Variants in TYRO3 observed in about 807,000 individuals in gnomAD.
The protein encoded by TYRO3 is TYRO3 protein tyrosine kinase.
Under a neutral mutation model 95.2 loss-of-function variants are expected in TYRO3, and 38 were observed. The ratio of observed to expected loss-of-function variants is 0.40; its 90% CI spans 0.31 to 0.52. The LOEUF (loss-of-function observed/expected upper bound fraction) is 0.52. TYRO3 is among the 20% of genes least tolerant of loss of function. The pLI is 0.56. For synonymous variants in TYRO3, 367 were observed against 432.9 expected (o/e 0.85, Z 1.89); for missense variants, 812 against 1,116.4 (o/e 0.73, Z 3.89).
rs1356817343 is a variant in TYRO3, at chr15:41,561,244, C to T, written c.242C>T (p.Ala81Val). 1 of 1,614,220 alleles carries T rather than the reference C, an allele frequency of 6.2e-7. No homozygotes were observed. Among genetic ancestry groups the T allele is most frequent in the South Asian group, 1.1e-5 (1 of 91,082 alleles). Residue 81 changes from alanine (A) to valine (V), a missense_variant, in exon 2 of 19, where the codon GCT becomes GTT. Physicochemically the swap from Ala to Val is moderately conservative, Grantham distance 64. Transcript: ENST00000263798. ...GACATCCAGTGGGTGAAGGATGGGGCTGTGGTCCAGAACTTGGACCAGTTG... is the reference window on the plus strand; with the variant it reads ...GACATCCAGTGGGTGAAGGATGGGGTTGTGGTCCAGAACTTGGACCAGTTG... ...EPDIQWVKDG[A>V]VVQNLDQLYI...
Position 41,571,298 on chromosome 15 carries a change from C to T in TYRO3, c.1660+180C>T, listed in dbSNP as rs190353949. On this transcript the variant is annotated intron_variant, in intron 13 of 18. Transcript: ENST00000263798. ...ATAAACCCAAACATACATATTCATGCCCAGCCATTGCTCTCTGCCATCGGC... is the reference window on the plus strand; with the variant it reads ...ATAAACCCAAACATACATATTCATGTCCAGCCATTGCTCTCTGCCATCGGC... Among the ~76,000 whole-genome samples the T allele has an allele frequency of 3.1e-3, 465 of 152,338 alleles. 5 individuals carry two copies. Among genetic ancestry groups the T allele is most frequent in the Non-Finnish European group, 3.8e-3 (256 of 68,028 alleles).
At position 41,577,937 on chromosome 15, in the gene TYRO3, C is replaced by T; in HGVS notation, c.2334C>T (p.Ser778=). The change falls in exon 19 of 19, where the codon AGC becomes AGT. Residue 778 remains serine (S), a synonymous_variant. Coordinates refer to ENST00000263798, the MANE Select transcript of TYRO3 (RefSeq NM_006293.4). ...GTGCTGACCCCAAGCAGCGCCCGAG[C>T]TTTACTTGTCTGCGAATGGAACTGG... ...CWSADPKQRP[S]FTCLRMELEN... is the part of the protein sequence containing the mutation. 2 of 1,613,400 alleles carry T rather than the reference C, an allele frequency of 1.2e-6. No individual in the cohort carries two copies. The highest frequency in any genetic ancestry group is 1.7e-6 in the Non-Finnish European group (2 of 1,180,044).
chr15:41,568,780 C>A, intron 8 of TYRO3, 98 bp from the exon 9 acceptor site: 1 of 1,435,976 alleles, frequency 7.0e-7, no homozygotes, highest in Non-Finnish European at 9.4e-7. Context: ...TGCCCCTATA[C>A]TCCCATGTTC....
At chr15:41,559,884 T>G (rs1321848074) in intron 1 of TYRO3, among the ~76,000 whole-genome samples, 1 of 152,190 alleles carries the variant, frequency 6.6e-6, no homozygotes, top group East Asian at 1.9e-4. Context: ...CCTCAGAGCT[T>G]CCTGAAAGCA....
intron 6 of TYRO3, among the ~76,000 whole-genome samples, chr15:41,565,563 C>G (rs1456704827): frequency 6.6e-6 from 1 of 150,398 alleles, no homozygotes; most frequent in African/African-American, 2.5e-5. Context: ...TACAGTCATG[C>G]ACCACCACGC....
At position 41,561,570 on chromosome 15, in the gene TYRO3, C is replaced by A; in HGVS notation, c.340C>A (p.Arg114=). ...LKSVERSDAG[R]YWCQVEDGGE... is the part of the protein sequence containing the mutation. ...GTCAGTGGAGCGCTCTGACGCCGGC[C>A]GGTACTGGTGCCAGGTGGAGGATGG... The change falls in exon 3 of 19, where the codon CGG becomes AGG. Residue 114 remains arginine, a synonymous_variant. Coordinates refer to ENST00000263798, the MANE Select transcript of TYRO3 (RefSeq NM_006293.4). 1.9e-6 allele frequency: 3 copies of A among 1,593,890 alleles called. No homozygotes were observed. The highest frequency in any genetic ancestry group is 2.3e-5 in the East Asian group (1 of 43,508).
chr15:41,571,360 A>C (rs1307820335), intron 13 of TYRO3, among the ~76,000 whole-genome samples: 1 of 152,202 alleles, frequency 6.6e-6, no homozygotes, highest in Non-Finnish European at 1.5e-5. Context: ...GGGTGATTAC[A>C]GCTGTGGTTG....
At chr15:41,573,571 C>T in intron 17 of TYRO3, 104 bp downstream of exon 17, 1 of 1,430,960 alleles carries the variant, frequency 7.0e-7, no homozygotes, top group Non-Finnish European at 9.5e-7. Flanking sequence ...TTGGTTGCCC[C>T]CTGATGAGGC....
chr15:41,568,301 C>T lies in TYRO3; in HGVS notation c.1046C>T (p.Ala349Val). 1 of 1,614,012 alleles carries T rather than the reference C, an allele frequency of 6.2e-7. No individual in the cohort carries two copies. The highest frequency in any genetic ancestry group is 8.5e-7 in the Non-Finnish European group (1 of 1,179,982). The stretch of plus-strand genomic sequence containing the variant: ...GAGTGGGAAGAAGTGATCCCCGAGG[C>T]CCCTTTGGAAGGCCCCCTGGGACCC... ...ILEWEEVIPE[A>V]PLEGPLGPYK... The change falls in exon 8 of 19, where the codon GCC (alanine) becomes GTC (valine). Residue 349 changes from alanine (A) to valine (V), a missense_variant. Physicochemically the swap from Ala to Val is moderately conservative, Grantham distance 64 (BLOSUM62 0). Transcript: ENST00000263798.
intron 18 of TYRO3, among the ~76,000 whole-genome samples, chr15:41,574,485 T>C (rs1431470349): frequency 6.6e-6 from 1 of 152,242 alleles, no homozygotes; most frequent in East Asian, 1.9e-4. Context: ...GAAAAGACTA[T>C]TATTTATCCC....
intron 4 of TYRO3, among the ~76,000 whole-genome samples, chr15:41,563,733 A>G (rs2055685503): frequency 6.6e-6 from 1 of 152,208 alleles, no homozygotes; most frequent in African/African-American, 2.4e-5. Context: ...GAGACAAGAC[A>G]TGTGCATAAA....
At chr15:41,566,614 A>T (rs2055728430) in intron 6 of TYRO3, among the ~76,000 whole-genome samples, 1 of 151,994 alleles carries the variant, frequency 6.6e-6, no homozygotes, top group Non-Finnish European at 1.5e-5. Flanking sequence ...CGTGAGGGGG[A>T]TGGGAATGGA....
chr15:41,578,011 T>TA lies in TYRO3; in HGVS notation c.2409dup (p.Tyr804IlefsTer8). On this transcript the variant is annotated frameshift_variant, in exon 19 of 19. Coordinates refer to ENST00000263798, the MANE Select transcript of TYRO3 (RefSeq NM_006293.4). LOFTEE classifies it high-confidence loss of function. ...GTGCTATCTGCCAGCCAGGACCCCT[T>TA]ATACATCAACATCGAGAGAGCTGAG... is the stretch of plus-strand genomic sequence containing the variant. 6.2e-7 allele frequency: 1 copy of TA among 1,614,044 alleles called. No homozygotes were observed. Among genetic ancestry groups the TA allele is most frequent in the Non-Finnish European group, 8.5e-7 (1 of 1,180,034 alleles).
chr15:41,565,861 G>A (rs140805481), intron 6 of TYRO3, among the ~76,000 whole-genome samples: 2,292 of 152,242 alleles, frequency 0.015, 200 homozygotes, highest in Admixed American at 0.13. Flanking sequence ...CTTGGAGAGT[G>A]GAAAAACTGT....
In TYRO3 at chr15:41,567,346, C is replaced by T. The variant is rs761884888; in HGVS notation, c.784-14C>T. 3 of 1,517,836 alleles carry T rather than the reference C, an allele frequency of 2.0e-6. No individual in the cohort carries two copies. Among genetic ancestry groups the T allele is most frequent in the Non-Finnish European group, 2.6e-6 (3 of 1,140,906 alleles). The allele number at this position is 1,517,836 out of a possible 1,614,324, so 94.0% of individuals were successfully genotyped here. A position where few individuals can be genotyped will look rare whatever the true frequency, so the allele number is the denominator to read the frequency against. ...GGCTCTCCCCTACATCATTAGTTTT[C>T]TGCTTTTCTGTAGGTGACACAGGCC... On this transcript the variant is annotated splice_polypyrimidine_tract_variant and intron_variant, in intron 6 of 18. Transcript: ENST00000263798.
At chr15:41,570,723 G>T in intron 12 of TYRO3, 24 bp downstream of exon 12, 1 of 1,609,366 alleles carries the variant, frequency 6.2e-7, no homozygotes, top group South Asian at 1.1e-5. Flanking sequence ...TGTGGGGATG[G>T]GCATGGCTGG....
Position 41,561,852 on chromosome 15 carries a change from A to G in TYRO3, c.409+213A>G, listed in dbSNP as rs1419774775. On this transcript the variant is annotated intron_variant, in intron 3 of 18. Transcript: ENST00000263798. ...ACCAAGGGACCAACTGGGATCCACAACCTGTGGGGTGCAGTCTGTTTCCGT... is the reference window on the plus strand; with the variant it reads ...ACCAAGGGACCAACTGGGATCCACAGCCTGTGGGGTGCAGTCTGTTTCCGT... 78 of 444,614 alleles carry G rather than the reference A, an allele frequency of 1.8e-4. No individual in the cohort carries two copies. In the East Asian group the frequency reaches 3.5e-3, roughly 20 times the overall value. The allele number at this position is 444,614 out of a possible 1,614,324, so 27.5% of individuals were successfully genotyped here.
Position 41,561,323 on chromosome 15 carries a change from G to T in TYRO3, c.308+13G>T, listed in dbSNP as rs751861598. The T allele has an allele frequency of 1.2e-6, 2 of 1,604,454 alleles. No homozygotes were observed. The highest frequency in any genetic ancestry group is 1.1e-5 in the South Asian group (1 of 89,736). ...TCGGCTTCCTCAGGTGCAGGCCTGT[G>T]GGGGAAGGTGTGGGCTGCCAGCCAG... On this transcript the variant is annotated intron_variant, in intron 2 of 18. Transcript: ENST00000263798.
chr15:41,564,985 C>A, intron 5 of TYRO3, 41 bp from the exon 6 acceptor site: 1 of 1,379,150 alleles, frequency 7.3e-7, no homozygotes, highest in South Asian at 1.2e-5. Flanking sequence ...TGCCTCTGCT[C>A]ATATCCCTAC....
Sources: gnomAD v4.1 joint callset for allele counts (sites outside exome capture counted in the v4.1 genomes callset) on GRCh38, gnomAD v4.1.1 for gene constraint, MANE v1.5 for transcripts, NCBI Gene and HGNC (gene_info 2026-07-23, HGNC 2026-07-21) for gene names.